Variants in SSBP4 observed in about 807,000 individuals in gnomAD.
SSBP4 encodes single-stranded DNA-binding protein 4.
A neutral mutation model predicts 64.6 loss-of-function variants in SSBP4; 33 were observed. That is an observed-to-expected ratio of 0.51 (90% CI 0.39 to 0.68). The LOEUF is 0.68. Ranked by LOEUF, SSBP4 falls within the 30% of genes least tolerant of loss-of-function variation. The pLI is 0.00. For missense variants in SSBP4, 583 were observed against 566.8 expected (o/e 1.03, Z -0.29); for synonymous variants, 243 against 224.0 (o/e 1.08, Z -0.76).
At chr19:18,432,528 C>T (rs200333773) in intron 10 of SSBP4, 31 bp from the exon 11 acceptor site, 98 of 1,551,404 alleles carry the variant, frequency 6.3e-5, no homozygotes, top group Non-Finnish European at 7.7e-5. Flanking sequence ...ATGGACTAGC[C>T]CCAGAGTCTG....
intron 1 of SSBP4, among the ~76,000 whole-genome samples, chr19:18,425,479 C>G (rs1054575346): frequency 6.6e-6 from 1 of 151,318 alleles, no homozygotes. Context: ...TCACCCTGGC[C>G]TTGTGTGCTC....
chr19:18,420,345 C>T (rs1264213609), intron 1 of SSBP4, among the ~76,000 whole-genome samples: 1 of 152,038 alleles, frequency 6.6e-6, no homozygotes, highest in East Asian at 1.9e-4. Context: ...TACTGAGGGC[C>T]CCTTTTGTTC....
chr19:18,419,205 C>G, upstream of SSBP4: 7 of 986,666 alleles, frequency 7.1e-6, no homozygotes, highest in Non-Finnish European at 8.4e-6. Flanking sequence ...GCTGTGCGTC[C>G]CTGGGTGGCC....
At chr19:18,418,577 C>T (rs759334605), upstream of SSBP4, among the ~76,000 whole-genome samples, 4 of 152,232 alleles carry the variant, frequency 2.6e-5, no homozygotes, top group Non-Finnish European at 4.4e-5. This position sits in a 1 kb window ranked among gnomAD's most constrained non-coding sequence, Gnocchi z 6.7. Flanking sequence ...AGTATTGTCA[C>T]CGGGTGTTAC....
chr19:18,428,420 G>T (rs1419282896), intron 4 of SSBP4, among the ~76,000 whole-genome samples: 3 of 152,162 alleles, frequency 2.0e-5, no homozygotes, highest in African/African-American at 7.2e-5. Context: ...CCAGGCACTG[G>T]GACACTTTCT....
chr19:18,417,272 C>G (rs906914597), upstream of SSBP4, among the ~76,000 whole-genome samples: 1 of 152,220 alleles, frequency 6.6e-6, no homozygotes, highest in Admixed American at 6.5e-5. The surrounding 1 kb of genome is among the most constrained non-coding windows in gnomAD (Gnocchi z 5.4). Context: ...GCTGGGTCTC[C>G]GGAGCCCAGC....
rs1484803557 is a variant in SSBP4, at chr19:18,431,457, C to T, written c.435+39C>T. The T allele has an allele frequency of 2.6e-6, 3 of 1,164,412 alleles. No homozygotes were observed. The Admixed American group carries it at 7.6e-5, about 30-fold the overall frequency. The allele number at this position is 1,164,412 out of a possible 1,614,324, so 72.1% of individuals were successfully genotyped here. On this transcript the variant is annotated intron_variant, in intron 6 of 17. Transcript: ENST00000270061. Reference sequence around the variant, plus strand: ...GTGCCTGCCCCTCACACACACACATCCCCTCCCCCAGCGCCGCCCCCTCCC... The same window carrying T: ...GTGCCTGCCCCTCACACACACACATTCCCTCCCCCAGCGCCGCCCCCTCCC...
chr19:18,429,344 CG>C (rs954214004), intron 4 of SSBP4, among the ~76,000 whole-genome samples: 2 of 151,760 alleles, frequency 1.3e-5, no homozygotes, highest in African/African-American at 4.8e-5. Flanking sequence ...CAACGCGGGC[CG>C]GGCCGGCTCC....
At chr19:18,416,047 G>A (rs1293539557), upstream of SSBP4, among the ~76,000 whole-genome samples, 1 of 152,102 alleles carries the variant, frequency 6.6e-6, no homozygotes, top group Non-Finnish European at 1.5e-5. Flanking sequence ...ATTTTGAGAC[G>A]GAGTCTCACT....
chr19:18,407,849 C>T, the SSBP4 span, among the ~76,000 whole-genome samples: 1 of 151,954 alleles, frequency 6.6e-6, no homozygotes, highest in Non-Finnish European at 1.5e-5. Flanking sequence ...CTCAAGTGAT[C>T]CTCCTACCTC....
chr19:18,403,164 C>G, the SSBP4 span, among the ~76,000 whole-genome samples: 1 of 152,200 alleles, frequency 6.6e-6, no homozygotes, highest in Non-Finnish European at 1.5e-5. Context: ...GGCACAGTAC[C>G]TGCTCTTGAA....
intron 4 of SSBP4, among the ~76,000 whole-genome samples, chr19:18,429,675 GC>G (rs1379974731): frequency 6.6e-6 from 1 of 152,188 alleles, no homozygotes; most frequent in Non-Finnish European, 1.5e-5. Flanking sequence ...CGGGGTGGGG[GC>G]CAGAGCCCAG....
At position 18,419,413 on chromosome 19, in the gene SSBP4, C is replaced by A. The variant is rs1416554685; in HGVS notation, c.-236C>A. On this transcript the variant is annotated 5_prime_UTR_variant, in exon 1 of 18. Coordinates refer to ENST00000270061, the MANE Select transcript of SSBP4 (RefSeq NM_032627.5). ...GGGAGCGCGCGTTTCCCGGAACAGC[C>A]CGCGCGGAGGAAAGGGAGGAAAAAA... 2 of 1,037,474 alleles carry A rather than the reference C, an allele frequency of 1.9e-6. No homozygotes were observed. Among genetic ancestry groups the A allele is most frequent in the Non-Finnish European group, 2.3e-6 (2 of 865,878 alleles). 64.3% of individuals were successfully genotyped at this position (1,037,474 alleles called of 1,614,324 possible).
rs537627360 is a variant in SSBP4 at position 18,423,790 on chromosome 19, GT to G, written c.60-3557del. Among the ~76,000 whole-genome samples the G allele has an allele frequency of 5.6e-4, 85 of 152,254 alleles. No homozygotes were observed. The highest frequency in any genetic ancestry group is 1.0e-3 in the Non-Finnish European group (68 of 68,012). ...CTGCTGCTCTTCCGGGTGCCTCCCT[GT>G]TTTCCTTTCTGGCCACCTGCCTGTG... On this transcript the variant is annotated intron_variant, in intron 1 of 17. Coordinates refer to ENST00000270061, the MANE Select transcript of SSBP4 (RefSeq NM_032627.5). The surrounding 1 kb of genome is among the most constrained non-coding windows in gnomAD (Gnocchi z 4.0).
chr19:18,421,999 A>G (rs1972498009), intron 1 of SSBP4, among the ~76,000 whole-genome samples: 1 of 152,144 alleles, frequency 6.6e-6, no homozygotes, highest in African/African-American at 2.4e-5. Context: ...TGTCTCTACT[A>G]AAAATACAAA....
chr19:18,427,675 T>A lies in SSBP4; in HGVS notation c.133-77T>A. 1 of 1,473,836 alleles carries A rather than the reference T, an allele frequency of 6.8e-7. No homozygotes were observed. 91.3% of individuals were successfully genotyped at this position (1,473,836 alleles called of 1,614,324 possible). On this transcript the variant is annotated intron_variant, in intron 2 of 17. Transcript: ENST00000270061. The surrounding 1 kb of genome is among the most constrained non-coding windows in gnomAD (Gnocchi z 4.4). The stretch of plus-strand genomic sequence containing the variant: ...CCTCCCCACTCCCTCCCTGCCCAGA[T>A]GTTCTCTGGGCACCCTGCTGGGTGG...
In SSBP4 at chr19:18,423,045, G is replaced by T. The variant is rs1016752040; in HGVS notation, c.59+3338G>T. Reference sequence around the variant, plus strand: ...GGTGGGTGCCTGCCCTCGGGGGCTCGCAGCAGATGGCAGTGACTGTGGAGT... The same window carrying T: ...GGTGGGTGCCTGCCCTCGGGGGCTCTCAGCAGATGGCAGTGACTGTGGAGT... On this transcript the variant is annotated intron_variant, in intron 1 of 17. Transcript: ENST00000270061. The surrounding 1 kb of genome is among the most constrained non-coding windows in gnomAD (Gnocchi z 4.0). Among the ~76,000 whole-genome samples the T allele has an allele frequency of 6.6e-6, 1 of 152,224 alleles. No individual in the cohort carries two copies. Among genetic ancestry groups the T allele is most frequent in the Non-Finnish European group, 1.5e-5 (1 of 68,044 alleles).
At chr19:18,433,660 C>CG in intron 16 of SSBP4, 47 bp downstream of exon 16, 1 of 640,128 alleles carries the variant, frequency 1.6e-6, no homozygotes, top group South Asian at 5.4e-5. Context: ...GGGGGGGTGG[C>CG]GGGGAGGGGG....
At chr19:18,420,744 C>T (rs1390542391) in intron 1 of SSBP4, among the ~76,000 whole-genome samples, 2 of 150,790 alleles carry the variant, frequency 1.3e-5, no homozygotes, top group African/African-American at 4.9e-5. Flanking sequence ...CCCAACTACT[C>T]GGGAGGCTGA....
Sources: gnomAD v4.1 joint callset for allele counts (sites outside exome capture counted in the v4.1 genomes callset) on GRCh38, gnomAD v4.1.1 for gene constraint, Gnocchi (gnomAD v3.1) non-coding constraint, MANE v1.5 for transcripts, NCBI Gene and HGNC (gene_info 2026-07-23, HGNC 2026-07-21) for gene names.